The following MGAT4C variants were observed in gnomAD, a reference collection of about 807,000 sequenced individuals.
The protein encoded by MGAT4C is alpha-1,3-mannosyl-glycoprotein 4-beta-N-acetylglucosaminyltransferase C.
Under a neutral mutation model 40.1 loss-of-function variants are expected in MGAT4C, and 19 were observed. That is an observed-to-expected ratio of 0.47 (90% CI 0.33 to 0.70). The LOEUF (loss-of-function observed/expected upper bound fraction) is 0.70, where lower values mean the gene tolerates loss of function less well. MGAT4C is among the 30% of genes least tolerant of loss of function. The pLI, the probability that MGAT4C is intolerant of heterozygous loss-of-function variation, is 0.02. For synonymous variants in MGAT4C, 181 were observed against 187.1 expected (o/e 0.97, Z 0.27); for missense variants, 491 against 563.2 (o/e 0.87, Z 1.30).
intron 1 of MGAT4C, among the ~76,000 whole-genome samples, chr12:86,060,938 A>G (rs980909504): frequency 1.3e-5 from 2 of 152,126 alleles, no homozygotes; most frequent in African/African-American, 4.8e-5. Flanking sequence ...TGTAGGGAGG[A>G]AGGAAATCCT....
intron 1 of MGAT4C, among the ~76,000 whole-genome samples, chr12:86,772,637 G>GT (rs1951659021): frequency 1.7e-5 from 1 of 59,628 alleles, no homozygotes; most frequent in East Asian, 4.7e-4. Context: ...TACCATGATG[G>GT]TCCAGAGGAC....
At chr12:86,593,368 T>G (rs1470937121) in intron 2 of MGAT4C, among the ~76,000 whole-genome samples, 1 of 152,160 alleles carries the variant, frequency 6.6e-6, no homozygotes, top group Non-Finnish European at 1.5e-5. Context: ...CATTGTCTAT[T>G]TCATTAATTT....
chr12:86,047,831 T>C (rs1458413866), intron 2 of MGAT4C, among the ~76,000 whole-genome samples: 1 of 152,152 alleles, frequency 6.6e-6, no homozygotes, highest in African/African-American at 2.4e-5. Flanking sequence ...TGGGTTGATA[T>C]TGCCCCTTAG....
intron 1 of MGAT4C, among the ~76,000 whole-genome samples, chr12:86,109,446 G>A (rs945054320): frequency 2.0e-5 from 3 of 151,980 alleles, no homozygotes; most frequent in African/African-American, 7.2e-5. Flanking sequence ...TCTACATGAA[G>A]ATATTCTTAT....
In MGAT4C at chr12:85,971,710, C is replaced by T. The variant is rs560333854; in HGVS notation, c.*7579G>A. 6.6e-5 allele frequency: 10 copies of T among 151,198 alleles called. No homozygotes were observed. The highest frequency in any genetic ancestry group is 2.1e-4 in the South Asian group (1 of 4,820). The allele number at this position is 151,198 out of a possible 1,614,324, so 9.4% of individuals were successfully genotyped here. A position where few individuals can be genotyped will look rare whatever the true frequency, so the allele number is the denominator to read the frequency against. On this transcript the variant is annotated 3_prime_UTR_variant, in exon 5 of 5. Transcript: ENST00000611864. ...TTGATTTGCTTGAATACAAGCAAGT[C>T]GAGCTATGGTAATTTGCAATGCTGA...
intron 2 of MGAT4C, among the ~76,000 whole-genome samples, chr12:86,588,269 C>T (rs1473269835): frequency 6.6e-6 from 1 of 151,882 alleles, no homozygotes; most frequent in African/African-American, 2.4e-5. Context: ...TCTGATAAAA[C>T]AGACTTTAAA....
intron 2 of MGAT4C, among the ~76,000 whole-genome samples, chr12:86,658,712 T>C (rs919739800): frequency 6.6e-6 from 1 of 151,146 alleles, no homozygotes; most frequent in African/African-American, 2.5e-5. Context: ...CAAAAAGTAT[T>C]TTTTTTACCA....
chr12:86,838,373 A>T (rs1953083634), intron 1 of MGAT4C, among the ~76,000 whole-genome samples: 1 of 152,190 alleles, frequency 6.6e-6, no homozygotes, highest in African/African-American at 2.4e-5. Flanking sequence ...TTGCAGCTAC[A>T]AAAGGAAAAT....
intron 2 of MGAT4C, among the ~76,000 whole-genome samples, chr12:86,438,958 T>C (rs528176058): frequency 6.6e-6 from 1 of 151,988 alleles, no homozygotes; most frequent in African/African-American, 2.4e-5. Flanking sequence ...ATATGCACTG[T>C]AGCTCCCAGA....
At chr12:86,392,409 T>A (rs1956175918) in intron 3 of MGAT4C, among the ~76,000 whole-genome samples, 1 of 151,960 alleles carries the variant, frequency 6.6e-6, no homozygotes. Context: ...GAGGTGGAGG[T>A]TGCAGTGAGC....
At chr12:86,536,527 A>C (rs1959071485) in intron 2 of MGAT4C, among the ~76,000 whole-genome samples, 1 of 152,202 alleles carries the variant, frequency 6.6e-6, no homozygotes, top group South Asian at 2.1e-4. Flanking sequence ...CAAAATCCAG[A>C]AGTCATGAAT....
chr12:86,358,657 A>G (rs1404895637), intron 3 of MGAT4C, among the ~76,000 whole-genome samples: 1 of 152,246 alleles, frequency 6.6e-6, no homozygotes, highest in African/African-American at 2.4e-5. Context: ...TGGAAAACAA[A>G]AAAAAGCAGG....
chr12:86,759,461 T>C (rs1313218844), intron 1 of MGAT4C, among the ~76,000 whole-genome samples: 1 of 152,118 alleles, frequency 6.6e-6, no homozygotes, highest in African/African-American at 2.4e-5. Flanking sequence ...GGAACCTCCT[T>C]ACTGTTTTTC....
Position 86,814,923 on chromosome 12 carries a change from T to C in MGAT4C, c.-262+23743A>G, listed in dbSNP as rs535964799. ...CAGAACAGTGAGAAATAAACTTTTATTGTTTATAAAGTATGTAGTCTAAGG... is the reference window on the plus strand; with the variant it reads ...CAGAACAGTGAGAAATAAACTTTTACTGTTTATAAAGTATGTAGTCTAAGG... On this transcript the variant is annotated intron_variant, in intron 1 of 7. Transcript: ENST00000548651. Among the ~76,000 whole-genome samples, 26 of 152,214 alleles carry C rather than the reference T, an allele frequency of 1.7e-4. No individual in the cohort carries two copies. In the East Asian group the frequency reaches 3.7e-3, roughly 22 times the overall value.
At chr12:86,344,226 A>G (rs1954966272) in intron 3 of MGAT4C, among the ~76,000 whole-genome samples, 1 of 152,234 alleles carries the variant, frequency 6.6e-6, no homozygotes, top group Non-Finnish European at 1.5e-5. Flanking sequence ...GATGGACTCA[A>G]TACATTTAAA....
chr12:86,023,098 T>A (rs1889922800), intron 2 of MGAT4C, among the ~76,000 whole-genome samples: 2 of 152,158 alleles, frequency 1.3e-5, no homozygotes, highest in African/African-American at 4.8e-5. Flanking sequence ...GAGCTCATGA[T>A]AAACAAAATG....
intron 4 of MGAT4C, among the ~76,000 whole-genome samples, chr12:86,290,916 G>C (rs981130325): frequency 6.6e-6 from 1 of 152,082 alleles, no homozygotes; most frequent in South Asian, 2.1e-4. Flanking sequence ...ATAATTAGCA[G>C]ATTTAAAGTG....
intron 1 of MGAT4C, among the ~76,000 whole-genome samples, chr12:86,784,527 C>A (rs989840969): frequency 2.0e-5 from 3 of 151,978 alleles, no homozygotes; most frequent in Non-Finnish European, 2.9e-5. Context: ...GATTAGGGCT[C>A]CATCCTTGTG....
At chr12:86,611,176 G>C (rs1042707135) in intron 2 of MGAT4C, among the ~76,000 whole-genome samples, 7 of 152,020 alleles carry the variant, frequency 4.6e-5, no homozygotes, top group Non-Finnish European at 8.8e-5. Flanking sequence ...CAAATTTAGA[G>C]AACGATACAA....
Sources: allele counts gnomAD v4.1 joint callset (sites outside exome capture counted in the v4.1 genomes callset), GRCh38; gene constraint gnomAD v4.1.1; transcripts MANE v1.5; gene names NCBI Gene and HGNC (gene_info 2026-07-23, HGNC 2026-07-21).